Variants in XKR4 observed in about 807,000 individuals in gnomAD.
XKR4 encodes XK related 4.
XKR4 carries 12 observed loss-of-function variants against 53.9 expected under a neutral mutation model. That is an observed-to-expected ratio of 0.22 (90% CI 0.14 to 0.36). The LOEUF (loss-of-function observed/expected upper bound fraction) is 0.36. Ranked by LOEUF, XKR4 falls within the 10% of genes least tolerant of loss-of-function variation. XKR4 has a pLI of 1.00. For missense variants in XKR4, 799 were observed against 859.5 expected, an observed-to-expected ratio of 0.93 and a Z score of 0.88; for synonymous variants, 354 against 362.4, an observed-to-expected ratio of 0.98 and a Z score of 0.26.
chr8:55,484,545 G>T (rs1451572747), intron 2 of XKR4, among the ~76,000 whole-genome samples: 1 of 152,170 alleles, frequency 6.6e-6, no homozygotes, highest in Admixed American at 6.5e-5. Context: ...TAATCCACCT[G>T]ATTAACATGC....
chr8:55,125,444 G>C (rs559954346), intron 1 of XKR4, among the ~76,000 whole-genome samples: 5 of 152,302 alleles, frequency 3.3e-5, no homozygotes, highest in Admixed American at 2.6e-4. Context: ...ATGTTGGTCA[G>C]GCTGGTCTCA....
chr8:55,189,807 T>C (rs1289938358), intron 1 of XKR4, among the ~76,000 whole-genome samples: 3 of 152,228 alleles, frequency 2.0e-5, no homozygotes, highest in Non-Finnish European at 4.4e-5. Flanking sequence ...ATTTGTTCTA[T>C]GCTGAGTTGG....
chr8:55,146,833 A>T (rs564089387), intron 1 of XKR4, among the ~76,000 whole-genome samples: 34 of 152,296 alleles, frequency 2.2e-4, no homozygotes. Context: ...AGCTTCAGGG[A>T]TGTACCACCT....
At chr8:55,343,206 A>C (rs1489189945) in intron 1 of XKR4, among the ~76,000 whole-genome samples, 3 of 152,166 alleles carry the variant, frequency 2.0e-5, no homozygotes, top group African/African-American at 7.2e-5. Context: ...AAATTCTTAC[A>C]CCCAGTTGTG....
intron 1 of XKR4, among the ~76,000 whole-genome samples, chr8:55,173,362 C>T (rs975792619): frequency 1.3e-5 from 2 of 151,932 alleles, no homozygotes; most frequent in African/African-American, 4.8e-5. Flanking sequence ...TTTCCAAATA[C>T]TCCCCTTCCT....
intron 1 of XKR4, among the ~76,000 whole-genome samples, chr8:55,211,751 C>T (rs1817734832): frequency 6.6e-6 from 1 of 152,154 alleles, no homozygotes; most frequent in Non-Finnish European, 1.5e-5. Flanking sequence ...AAATAGTTTT[C>T]CACAAGTATT....
intron 1 of XKR4, among the ~76,000 whole-genome samples, chr8:55,226,532 C>T (rs1160793812): frequency 1.3e-5 from 2 of 152,134 alleles, no homozygotes; most frequent in African/African-American, 4.8e-5. Flanking sequence ...ACGTATCCAT[C>T]CTGTTAAGTG....
Position 55,193,352 on chromosome 8 carries a change from G to A in XKR4, c.806+90058G>A, listed in dbSNP as rs765308291. 2.0e-5 allele frequency among the ~76,000 whole-genome samples: 3 copies of A among 151,614 alleles called. No homozygotes were observed. The East Asian group carries it at 5.8e-4, about 29-fold the overall frequency. ...TGCTCCAGTCCTTCTTCCCTCCCCAGGTCTCTCCGCCACCCCACTGCATGC... is the reference window on the plus strand; with the variant it reads ...TGCTCCAGTCCTTCTTCCCTCCCCAAGTCTCTCCGCCACCCCACTGCATGC... On this transcript the variant is annotated intron_variant, in intron 1 of 2. Transcript: ENST00000327381.
intron 1 of XKR4, among the ~76,000 whole-genome samples, chr8:55,262,961 A>T (rs1404706037): frequency 1.3e-5 from 2 of 152,166 alleles, no homozygotes; most frequent in Non-Finnish European, 2.9e-5. Flanking sequence ...CCCTGAAGGC[A>T]GGGAGATACC....
chr8:55,137,743 TA>T (rs934758998), intron 1 of XKR4, among the ~76,000 whole-genome samples: 2 of 152,054 alleles, frequency 1.3e-5, no homozygotes, highest in African/African-American at 2.4e-5. Flanking sequence ...TTTATTTATT[TA>T]TTTTTTTTGT....
intron 2 of XKR4, among the ~76,000 whole-genome samples, chr8:55,461,850 G>A (rs759155268): frequency 3.3e-5 from 5 of 152,202 alleles, no homozygotes; most frequent in East Asian, 1.9e-4. Context: ...TAACTGATGC[G>A]ATCAACTGAA....
At chr8:55,312,985 A>G (rs1360884299) in intron 1 of XKR4, among the ~76,000 whole-genome samples, 1 of 152,186 alleles carries the variant, frequency 6.6e-6, no homozygotes, top group East Asian at 1.9e-4. Context: ...GTTTTTTCTT[A>G]AGGAACTTCA....
intron 2 of XKR4, among the ~76,000 whole-genome samples, chr8:55,508,024 G>A (rs1472694246): frequency 2.0e-5 from 3 of 152,146 alleles, no homozygotes; most frequent in East Asian, 1.9e-4. Context: ...GATTTAGAAA[G>A]AGCCTTGAAT....
intron 1 of XKR4, among the ~76,000 whole-genome samples, chr8:55,254,308 T>A (rs944081966): frequency 6.6e-6 from 1 of 152,006 alleles, no homozygotes; most frequent in Non-Finnish European, 1.5e-5. Context: ...CTGAACACAT[T>A]TTAAACACAC....
intron 2 of XKR4, among the ~76,000 whole-genome samples, chr8:55,431,748 C>T (rs1031500643): frequency 1.1e-4 from 17 of 152,120 alleles, no homozygotes; most frequent in African/African-American, 3.1e-4. Flanking sequence ...TTTTGTCATC[C>T]GATACTACCT....
intron 1 of XKR4, among the ~76,000 whole-genome samples, chr8:55,136,451 CA>C (rs1816631789): frequency 6.6e-6 from 1 of 152,138 alleles, no homozygotes; most frequent in South Asian, 2.1e-4. Flanking sequence ...TTTTTCCTCA[CA>C]CCAGCAAACT....
chr8:55,436,145 A>G (rs1380783250), intron 2 of XKR4, among the ~76,000 whole-genome samples: 1 of 152,174 alleles, frequency 6.6e-6, no homozygotes, highest in Non-Finnish European at 1.5e-5. Context: ...ATTGGGTTTC[A>G]AAGTGAACCA....
intron 1 of XKR4, among the ~76,000 whole-genome samples, chr8:55,302,405 A>G (rs1483744433): frequency 2.6e-5 from 4 of 151,938 alleles, no homozygotes; most frequent in African/African-American, 7.3e-5. Flanking sequence ...GTAGCCTTGT[A>G]GTATAGTTTG....
chr8:55,270,504 T>G lies in XKR4; in HGVS notation c.807-87174T>G, dbSNP rs1818673709. On this transcript the variant is annotated intron_variant, in intron 1 of 2. Coordinates refer to ENST00000327381, the MANE Select transcript of XKR4 (RefSeq NM_052898.2). ...TGATCACCTCGTGTTGTTGTCTATC[T>G]GATGATTCCCATTGTGAACATCTCA... is the stretch of plus-strand genomic sequence containing the variant. Among the ~76,000 whole-genome samples, 4 of 152,306 alleles carry G rather than the reference T, an allele frequency of 2.6e-5. 1 individual carries two copies. The South Asian group carries it at 8.3e-4, about 32-fold the overall frequency.
Sources: allele counts gnomAD v4.1 joint callset (sites outside exome capture counted in the v4.1 genomes callset), GRCh38; gene constraint gnomAD v4.1.1; transcripts MANE v1.5; gene names NCBI Gene and HGNC (gene_info 2026-07-23, HGNC 2026-07-21).